CES5A: variants seen among roughly 807,000 people sequenced by gnomAD.
CES5A encodes carboxylesterase 5A.
CES5A carries 67 observed loss-of-function variants against 62.9 expected under a neutral mutation model. The ratio of observed to expected loss-of-function variants is 1.07; its 90% CI spans 0.88 to 1.31. The LOEUF (loss-of-function observed/expected upper bound fraction) is 1.31, where lower values mean the gene tolerates loss of function less well. CES5A is among the 50% of genes most tolerant of loss of function. The probability of loss-of-function intolerance (pLI) is 0.00; values close to 1 mark genes in which losing one functional copy is unlikely to be tolerated. For missense variants in CES5A, 748 were observed against 708.5 expected, an observed-to-expected ratio of 1.06 and a Z score of -0.63; for synonymous variants, 296 against 280.8, an observed-to-expected ratio of 1.05 and a Z score of -0.54.
At chr16:55,876,878 AG>A (rs370587444), upstream of CES5A, among the ~76,000 whole-genome samples, 242 of 152,306 alleles carry the variant, frequency 1.6e-3, 1 homozygote, top group African/African-American at 5.7e-3. Flanking sequence ...GGAGGAAGGC[AG>A]GGGGCTACAG....
chr16:55,869,916 T>C (rs2033548916), intron 3 of CES5A, among the ~76,000 whole-genome samples, 172 bp from the exon 4 acceptor site: 2 of 152,238 alleles, frequency 1.3e-5, no homozygotes, highest in South Asian at 4.1e-4. Context: ...CTCTGGCACC[T>C]GAGTGCCTCG....
At chr16:55,854,544 C>CTTTCTTTTTTT (rs2033200146) in intron 9 of CES5A, among the ~76,000 whole-genome samples, 1 of 64,416 alleles carries the variant, frequency 1.6e-5, no homozygotes, top group Non-Finnish European at 2.6e-5. Flanking sequence ...TTTTTTTTTT[C>CTTTCTTTTTTT]TTTTTTTTTT....
chr16:55,875,455 A>AG, upstream of CES5A: 1 of 1,065,944 alleles, frequency 9.4e-7, no homozygotes, highest in Non-Finnish European at 1.3e-6. Context: ...AGCTGGGGAA[A>AG]GATAATTTGA....
chr16:55,847,648 T>G (rs1364069298), intron 11 of CES5A, among the ~76,000 whole-genome samples: 8 of 152,152 alleles, frequency 5.3e-5, no homozygotes, highest in African/African-American at 1.9e-4. Context: ...TTCTACATAT[T>G]GCTCTTTTTA....
intron 1 of CES5A, among the ~76,000 whole-genome samples, chr16:55,951,416 C>T (rs1050068349): frequency 2.6e-5 from 4 of 152,052 alleles, no homozygotes; most frequent in African/African-American, 9.7e-5. Flanking sequence ...TGCATCAATG[C>T]ATCAATCTAT....
chr16:55,896,522 T>C (rs2033936243), intron 1 of CES5A, among the ~76,000 whole-genome samples: 1 of 152,198 alleles, frequency 6.6e-6, no homozygotes, highest in Admixed American at 6.5e-5. Flanking sequence ...ATAAACTTCT[T>C]TTCTTTATAA....
intron 2 of CES5A, chr16:55,944,292 T>C (rs1484777278): frequency 1.0e-5 from 6 of 594,298 alleles, no homozygotes; most frequent in African/African-American, 1.9e-5. Context: ...GGTGACCTCC[T>C]GGATTGTTGA....
rs139815475 is a variant in CES5A at position 55,945,786 on chromosome 16, A to G, written c.160+3999T>C. Among the ~76,000 whole-genome samples the G allele has an allele frequency of 1.2e-3, 181 of 152,200 alleles. 1 individual carries two copies. The highest frequency in any genetic ancestry group is 3.7e-3 in the African/African-American group (153 of 41,518). ...CTATTTTTAACAAGCGATTCAGAAA[A>G]CTCTTAGGACCAGGAAAGATAGGAA... is the stretch of plus-strand genomic sequence containing the variant. On this transcript the variant is annotated intron_variant, in intron 2 of 13. Transcript: ENST00000521992.
intron 9 of CES5A, among the ~76,000 whole-genome samples, chr16:55,854,557 T>TTTTTTTTTTTTTTG (rs1567324534): frequency 5.2e-5 from 1 of 19,190 alleles, no homozygotes; most frequent in African/African-American, 1.8e-4. Context: ...TTTTTTTTTT[T>TTTTTTTTTTTTTTG]GAGACAGAGT....
rs201974680 is a variant in CES5A, at chr16:55,863,348, G to C, written c.810C>G (p.Asp270Glu). 17 of 1,483,130 alleles carry C rather than the reference G, an allele frequency of 1.1e-5. No individual in the cohort carries two copies. Among genetic ancestry groups the C allele is most frequent in the Non-Finnish European group, 1.6e-5 (17 of 1,060,970 alleles). 91.9% of individuals were successfully genotyped at this position (1,483,130 alleles called of 1,614,324 possible). A position where few individuals can be genotyped will look rare whatever the true frequency, so the allele number is the denominator to read the frequency against. ...LEAHDYEKSE[D>E]LQVVAHFCGN... Reference sequence around the variant, plus strand: ...GGCAAGGTGTTAACAGTATACGTACGTCCTCACTCTTCTCATAATCATGGG... The same window carrying C: ...GGCAAGGTGTTAACAGTATACGTACCTCCTCACTCTTCTCATAATCATGGG... The change falls in exon 6 of 13, where the codon GAC becomes GAG. Residue 270 changes from aspartate to glutamate, a missense_variant and splice_region_variant. Coordinates refer to ENST00000290567, the MANE Select transcript of CES5A (RefSeq NM_001143685.2).
chr16:55,928,218 G>A (rs1213134767), upstream of CES5A, among the ~76,000 whole-genome samples: 5 of 152,206 alleles, frequency 3.3e-5, no homozygotes, highest in Admixed American at 6.5e-5. Context: ...ACTCCAGCCT[G>A]GGCGACAGAG....
intron 11 of CES5A, 144 bp from the exon 12 acceptor site, chr16:55,846,984 T>C: frequency 1.4e-6 from 1 of 728,032 alleles, no homozygotes; most frequent in Non-Finnish European, 2.4e-6. Context: ...ATTTTATACA[T>C]GCAGATACTG....
intron 8 of CES5A, among the ~76,000 whole-genome samples, chr16:55,859,316 G>T (rs1322285178): frequency 6.6e-6 from 1 of 152,174 alleles, no homozygotes; most frequent in African/African-American, 2.4e-5. Context: ...TTATACAGTT[G>T]TTTCTTCCGC....
intron 1 of CES5A, among the ~76,000 whole-genome samples, chr16:55,897,454 G>A (rs914112166): frequency 9.9e-5 from 15 of 152,166 alleles, no homozygotes; most frequent in African/African-American, 2.9e-4. Flanking sequence ...GGTTTGCCTT[G>A]CTTTTCTTGA....
At chr16:55,900,630 G>T (rs1281244796) in intron 1 of CES5A, among the ~76,000 whole-genome samples, 2 of 152,146 alleles carry the variant, frequency 1.3e-5, no homozygotes, top group African/African-American at 4.8e-5. Context: ...GCAAAATTCT[G>T]CTTGTCAGGG....
At chr16:55,906,045 G>A (rs1304015003) in intron 1 of CES5A, among the ~76,000 whole-genome samples, 4 of 152,088 alleles carry the variant, frequency 2.6e-5, no homozygotes, top group African/African-American at 7.2e-5. Context: ...CACAGAGAGA[G>A]AAAGTGACAG....
intron 2 of CES5A, among the ~76,000 whole-genome samples, chr16:55,935,888 T>A (rs1427807887): frequency 6.6e-6 from 1 of 152,100 alleles, no homozygotes; most frequent in Non-Finnish European, 1.5e-5. Context: ...AACTGTCTCA[T>A]CACAAAGTTA....
Position 55,946,181 on chromosome 16 carries a change from T to C in CES5A, c.160+3604A>G, listed in dbSNP as rs571637616. On this transcript the variant is annotated intron_variant, in intron 2 of 13. Transcript: ENST00000521992. Reference sequence around the variant, plus strand: ...CTTTCCTAATATGCAAACCAGGATGTTTTGACAAGACTCAATTCTAAATTT... The same window carrying C: ...CTTTCCTAATATGCAAACCAGGATGCTTTGACAAGACTCAATTCTAAATTT... Among the ~76,000 whole-genome samples the C allele has an allele frequency of 1.9e-4, 29 of 152,304 alleles. No individual in the cohort carries two copies. In the South Asian group the frequency reaches 6.0e-3, roughly 32 times the overall value.
intron 2 of CES5A, 34 bp downstream of exon 2, chr16:55,873,799 C>A: frequency 1.3e-6 from 2 of 1,584,632 alleles, no homozygotes; most frequent in Non-Finnish European, 8.6e-7. Context: ...CTCCCAGAGT[C>A]ACAAACCACC....
Sources: gnomAD v4.1 joint callset for allele counts (sites outside exome capture counted in the v4.1 genomes callset) on GRCh38, gnomAD v4.1.1 for gene constraint, MANE v1.5 for transcripts, NCBI Gene and HGNC (gene_info 2026-07-23, HGNC 2026-07-21) for gene names.